Variants in STON2 observed in about 807,000 individuals in gnomAD.
STON2 encodes stonin-2.
A neutral mutation model predicts 65.7 loss-of-function variants in STON2; 29 were observed. That is an observed-to-expected ratio of 0.44 (90% confidence interval 0.33 to 0.60). The LOEUF is 0.60. Ranked by LOEUF, STON2 falls within the 20% of genes least tolerant of loss-of-function variation. The probability of loss-of-function intolerance (pLI) is 0.03; values close to 1 mark genes in which losing one functional copy is unlikely to be tolerated. For missense variants in STON2, 1,054 were observed against 1,118.1 expected, an observed-to-expected ratio of 0.94 and a Z score of 0.82; for synonymous variants, 404 against 414.2, an observed-to-expected ratio of 0.98 and a Z score of 0.30.
At chr14:81,358,533 G>C (rs1020412867) in intron 4 of STON2, among the ~76,000 whole-genome samples, 1 of 152,068 alleles carries the variant, frequency 6.6e-6, no homozygotes, top group African/African-American at 2.4e-5. Flanking sequence ...AATGGCAGTG[G>C]TAAGTTTTTA....
rs1555404143 is a variant in STON2 at position 81,372,565 on chromosome 14, A to AAG, written c.374-1381_374-1380insCT. Reference sequence around the variant, plus strand: ...AACCCTATCTCAAAAAAAAAAAAAAAAAGAAGAAGAAGAATCATATCATTG... The same window carrying AAG: ...AACCCTATCTCAAAAAAAAAAAAAAAAGAAGAAGAAGAAGAATCATATCATTG... On this transcript the variant is annotated intron_variant, in intron 3 of 7. Coordinates refer to ENST00000614646, the MANE Select transcript of STON2 (RefSeq NM_001394390.1). Among the ~76,000 whole-genome samples, 137 of 111,482 alleles carry AAG rather than the reference A, an allele frequency of 1.2e-3. 1 individual carries two copies. The highest frequency in any genetic ancestry group is 1.9e-3 in the South Asian group (6 of 3,122). The allele number at this position is 111,482 out of a possible 152,430, so 73.1% of individuals were successfully genotyped here.
chr14:81,270,733 G>A lies in STON2; in HGVS notation c.2721C>T (p.Ile907=), dbSNP rs778718572. ...TSASKASVRS[I]SVEDKTDVRK... ...TGACGTCAGTCTTGTCTTCTACAGA[G>A]ATAGATCTCACGCTGGCTTTGGAGG... The change falls in exon 7 of 8, where the codon ATC becomes ATT. Residue 907 remains isoleucine, a synonymous_variant. Coordinates refer to ENST00000614646, the MANE Select transcript of STON2 (RefSeq NM_001394390.1). 3.1e-6 allele frequency: 5 copies of A among 1,614,174 alleles called. No individual in the cohort carries two copies. Among genetic ancestry groups the A allele is most frequent in the South Asian group, 2.2e-5 (2 of 91,082 alleles).
At chr14:81,423,839 G>T (rs1901834165) in intron 2 of STON2, among the ~76,000 whole-genome samples, 1 of 152,166 alleles carries the variant, frequency 6.6e-6, no homozygotes, top group South Asian at 2.1e-4. Context: ...GGGCATGTGG[G>T]TGTCTCCAAC....
At chr14:81,295,988 G>C (rs949822387) in intron 5 of STON2, among the ~76,000 whole-genome samples, 2 of 152,088 alleles carry the variant, frequency 1.3e-5, no homozygotes, top group Non-Finnish European at 1.5e-5. Flanking sequence ...AACATAAACA[G>C]TTCTAAAACA....
At chr14:81,346,810 G>A (rs1455443468) in intron 4 of STON2, among the ~76,000 whole-genome samples, 1 of 152,150 alleles carries the variant, frequency 6.6e-6, no homozygotes, top group Non-Finnish European at 1.5e-5. Flanking sequence ...AATTAGACAT[G>A]TTCCTAAACA....
At chr14:81,409,470 C>T (rs559232655) in intron 2 of STON2, among the ~76,000 whole-genome samples, 72 of 151,452 alleles carry the variant, frequency 4.8e-4, no homozygotes, top group African/African-American at 1.6e-3. Flanking sequence ...CACACACACA[C>T]ATATTTCTTA....
At chr14:81,363,695 A>C (rs770097275) in intron 4 of STON2, among the ~76,000 whole-genome samples, 6 of 152,200 alleles carry the variant, frequency 3.9e-5, no homozygotes, top group Non-Finnish European at 8.8e-5. Flanking sequence ...AAAGATGAGT[A>C]TCTCTGACGT....
In STON2 at chr14:81,278,233, T is replaced by C; in HGVS notation, c.1249A>G (p.Ile417Val). Residue 417 changes from isoleucine (I) to valine (V), a missense_variant, in exon 6 of 8, where the codon ATT becomes GTT. Physicochemically the swap from Ile to Val is conservative, Grantham distance 29 (BLOSUM62 3). Coordinates refer to ENST00000614646, the MANE Select transcript of STON2 (RefSeq NM_001394390.1). ...TTGKSQRDSLIVIYQDAISFD... is the reference protein window; with the variant it reads ...TTGKSQRDSLVVIYQDAISFD... Reference sequence around the variant, plus strand: ...CTGATGGCATCCTGGTAGATGACAATGAGGGAATCTCTTTGGCTTTTGCCC... The same window carrying C: ...CTGATGGCATCCTGGTAGATGACAACGAGGGAATCTCTTTGGCTTTTGCCC... 1 of 1,614,080 alleles carries C rather than the reference T, an allele frequency of 6.2e-7. No individual in the cohort carries two copies. Among genetic ancestry groups the C allele is most frequent in the South Asian group, 1.1e-5 (1 of 91,058 alleles).
rs572729390 is a variant in STON2 at position 81,420,306 on chromosome 14, T to C, written c.-199+6796A>G. On this transcript the variant is annotated intron_variant, in intron 2 of 8. Transcript: ENST00000553821. ...GATAAGAATCAATGCTGGTATGCAA[T>C]GTCACATGCGTAGAATATAAAGAGA... 6.6e-5 allele frequency among the ~76,000 whole-genome samples: 10 copies of C among 152,348 alleles called. No homozygotes were observed. The East Asian group carries it at 1.7e-3, about 26-fold the overall frequency.
At chr14:81,385,544 G>T (rs937064902) in intron 3 of STON2, among the ~76,000 whole-genome samples, 2 of 152,072 alleles carry the variant, frequency 1.3e-5, no homozygotes, top group Admixed American at 1.3e-4. Flanking sequence ...GAAAAGAAGG[G>T]GACAGGATGG....
intron 4 of STON2, among the ~76,000 whole-genome samples, chr14:81,360,543 T>C (rs1595393795): frequency 6.6e-6 from 1 of 152,318 alleles, no homozygotes; most frequent in East Asian, 1.9e-4. Context: ...AAAGGCCATA[T>C]GTGATTAAAC....
At chr14:81,268,746 C>G (rs1894456221) in intron 7 of STON2, 1 of 696,136 alleles carries the variant, frequency 1.4e-6, no homozygotes, top group Non-Finnish European at 1.8e-6. Flanking sequence ...TTGCCTTGTA[C>G]ATTTGGTCAA....
At position 81,277,222 on chromosome 14, in the gene STON2, T is replaced by G. The variant is rs1894871286; in HGVS notation, c.2260A>C (p.Asn754His). 6.2e-6 allele frequency: 10 copies of G among 1,614,192 alleles called. No homozygotes were observed. The East Asian group carries it at 2.2e-4, about 36-fold the overall frequency. The change falls in exon 6 of 8, where the codon AAT becomes CAT. Residue 754 changes from asparagine to histidine, a missense_variant. Coordinates refer to ENST00000614646, the MANE Select transcript of STON2 (RefSeq NM_001394390.1). ...PFTLRTATSVNGAEVEVQSWL... is the reference protein window; with the variant it reads ...PFTLRTATSVHGAEVEVQSWL... ...CTCTGCACCTCCACCTCTGCCCCATTGACACTTGTGGCCGTCCTGAGTGTG... is the reference window on the plus strand; with the variant it reads ...CTCTGCACCTCCACCTCTGCCCCATGGACACTTGTGGCCGTCCTGAGTGTG...
At chr14:81,295,907 C>T (rs968062972) in intron 5 of STON2, among the ~76,000 whole-genome samples, 2 of 152,034 alleles carry the variant, frequency 1.3e-5, no homozygotes, top group East Asian at 1.9e-4. Flanking sequence ...CTGCTGCTAC[C>T]CCAGATAATC....
chr14:81,274,561 C>T (rs1422408392), intron 6 of STON2, among the ~76,000 whole-genome samples: 6 of 151,902 alleles, frequency 3.9e-5, no homozygotes, highest in Non-Finnish European at 8.8e-5. Context: ...ATAATCTTCC[C>T]CGGTGCTACA....
chr14:81,410,146 C>T (rs1221501568), intron 2 of STON2, among the ~76,000 whole-genome samples: 1 of 151,712 alleles, frequency 6.6e-6, no homozygotes, highest in East Asian at 1.9e-4. Flanking sequence ...AGTCATTGGC[C>T]CTGATGTCAC....
rs1894423583 is a variant in STON2 at position 81,268,030 on chromosome 14, C to G, written c.*384G>C. 1 of 987,368 alleles carries G rather than the reference C, an allele frequency of 1.0e-6. No homozygotes were observed. Among genetic ancestry groups the G allele is most frequent in the Non-Finnish European group, 1.2e-6 (1 of 831,368 alleles). 61.2% of individuals were successfully genotyped at this position (987,368 alleles called of 1,614,324 possible). ...GAAAGTTATGCGAGTGACAGATGAACATCAGAAGGCAATCGTGCTAACACT... is the reference window on the plus strand; with the variant it reads ...GAAAGTTATGCGAGTGACAGATGAAGATCAGAAGGCAATCGTGCTAACACT... On this transcript the variant is annotated 3_prime_UTR_variant, in exon 8 of 8. Transcript: ENST00000614646.
At chr14:81,372,140 C>T (rs1427786510) in intron 3 of STON2, among the ~76,000 whole-genome samples, 2 of 152,172 alleles carry the variant, frequency 1.3e-5, no homozygotes, top group African/African-American at 4.8e-5. Context: ...CCAAATCAGA[C>T]TTTAAAAACT....
intron 3 of STON2, among the ~76,000 whole-genome samples, chr14:81,382,355 C>T (rs1292857612): frequency 6.6e-6 from 1 of 152,110 alleles, no homozygotes; most frequent in African/African-American, 2.4e-5. Flanking sequence ...AAGTTCTTTT[C>T]GTTTTTGACA....
Sources: allele counts gnomAD v4.1 joint callset (sites outside exome capture counted in the v4.1 genomes callset), GRCh38; gene constraint gnomAD v4.1.1; transcripts MANE v1.5; gene names NCBI Gene and HGNC (gene_info 2026-07-23, HGNC 2026-07-21).